Variants in AXIN1 observed in about 807,000 individuals in gnomAD.
AXIN1 encodes the protein axin 1, also known as axin-1.
In AXIN1, 30 loss-of-function variants were observed where a neutral mutation model predicts 76.4. The ratio of observed to expected loss-of-function variants is 0.39; its 90% confidence interval spans 0.29 to 0.53. AXIN1 has a LOEUF of 0.53. Ranked by LOEUF, AXIN1 falls within the 20% of genes least tolerant of loss-of-function variation. The pLI is 0.66. For missense variants in AXIN1, 1,140 were observed against 1,198.8 expected, an observed-to-expected ratio of 0.95 and a Z score of 0.72; for synonymous variants, 545 against 501.4, an observed-to-expected ratio of 1.09 and a Z score of -1.16.
rs142006497 is a variant in AXIN1 at position 323,355 on chromosome 16, C to T, written c.879-8672G>A. Reference sequence around the variant, plus strand: ...TCGGGAGGCTGAGGCAGGAGAATGGCGTGAACCCAGGAGGCAGAGCTTGCA... The same window carrying T: ...TCGGGAGGCTGAGGCAGGAGAATGGTGTGAACCCAGGAGGCAGAGCTTGCA... On this transcript the variant is annotated intron_variant, in intron 2 of 10. Transcript: ENST00000262320. 0.03 allele frequency among the ~76,000 whole-genome samples: 4,271 copies of T among 142,608 alleles called. 496 individuals carry two copies. The East Asian group carries it at 0.39, about 13-fold the overall frequency. 93.6% of individuals were successfully genotyped at this position (142,608 alleles called of 152,430 possible).
intron 1 of AXIN1, among the ~76,000 whole-genome samples, chr16:349,304 T>A (rs1307587354): frequency 6.6e-6 from 1 of 152,000 alleles, no homozygotes; most frequent in African/African-American, 2.4e-5. Context: ...AGCTGTGACA[T>A]CCTGCTGCTC....
chr16:295,971 A>G (rs1182212726), intron 7 of AXIN1, among the ~76,000 whole-genome samples: 3 of 152,212 alleles, frequency 2.0e-5, no homozygotes, highest in African/African-American at 7.2e-5. Flanking sequence ...CGTCTCAAAA[A>G]AAAAGACTCG....
At chr16:311,165 G>A (rs1214549945) in intron 3 of AXIN1, among the ~76,000 whole-genome samples, 2 of 151,628 alleles carry the variant, frequency 1.3e-5, no homozygotes, top group African/African-American at 2.4e-5. Flanking sequence ...GAGTAGCTGG[G>A]ACTACAGGTG....
At chr16:310,753 T>C (rs958870809) in intron 3 of AXIN1, among the ~76,000 whole-genome samples, 2 of 152,218 alleles carry the variant, frequency 1.3e-5, no homozygotes, top group African/African-American at 4.8e-5. Context: ...AGGGACTGCA[T>C]GCGGCTGCAA....
intron 9 of AXIN1, 199 bp from the exon 10 acceptor site, chr16:289,806 G>T: frequency 1.5e-6 from 1 of 682,880 alleles, no homozygotes; most frequent in Non-Finnish European, 2.5e-6. Context: ...AGTCGGCTCC[G>T]CTCACTGGGA....
intron 2 of AXIN1, among the ~76,000 whole-genome samples, chr16:320,082 G>A (rs2053404632): frequency 6.6e-6 from 1 of 152,116 alleles, no homozygotes; most frequent in Non-Finnish European, 1.5e-5. Context: ...GAGAACCTCA[G>A]AACCGACAGC....
At chr16:344,617 G>A in intron 2 of AXIN1, among the ~76,000 whole-genome samples, 1 of 151,658 alleles carries the variant, frequency 6.6e-6, no homozygotes, top group Middle Eastern at 3.4e-3. Context: ...GCCTCCCGAG[G>A]AGCTGGGATT....
At chr16:342,071 C>T (rs575580529) in intron 2 of AXIN1, among the ~76,000 whole-genome samples, 3 of 152,358 alleles carry the variant, frequency 2.0e-5, no homozygotes, top group South Asian at 4.1e-4. Context: ...CGGGAGCCAG[C>T]AGTGGTAACT....
At chr16:326,785 A>C (rs997585999) in intron 2 of AXIN1, among the ~76,000 whole-genome samples, 4 of 151,620 alleles carry the variant, frequency 2.6e-5, no homozygotes, top group Admixed American at 2.0e-4. Flanking sequence ...AGCTATGAAA[A>C]TCTCTATTTT....
chr16:314,297 A>G (rs2053249369), intron 3 of AXIN1, among the ~76,000 whole-genome samples: 1 of 152,206 alleles, frequency 6.6e-6, no homozygotes, highest in South Asian at 2.1e-4. Context: ...ACGCACTCTC[A>G]CTGAGACCTG....
intron 8 of AXIN1, chr16:291,985 G>A (rs79986141): frequency 0.023 from 3,573 of 156,458 alleles, 138 homozygotes; most frequent in African/African-American, 0.073. Flanking sequence ...GCAGCCAAAC[G>A]GGCGGGAGGG....
intron 2 of AXIN1, among the ~76,000 whole-genome samples, chr16:329,707 T>C (rs1020003200): frequency 8.6e-5 from 13 of 151,960 alleles, no homozygotes; most frequent in East Asian, 3.9e-4. Flanking sequence ...CACTGCAAGC[T>C]CCGCCTCCCA....
rs1157930021 is a variant in AXIN1, at chr16:352,498, C to T, written c.-211G>A. On this transcript the variant is annotated 5_prime_UTR_variant, in exon 1 of 11. Transcript: ENST00000262320. ...GCGCGGCCCGGGGCGGCCCCCATCT[C>T]GGCGGCTGCGGCTCGGCGGCCCGGA... 7.4e-4 allele frequency: 637 copies of T among 862,016 alleles called. No homozygotes were observed. The highest frequency in any genetic ancestry group is 8.6e-4 in the Non-Finnish European group (618 of 720,642). The allele number at this position is 862,016 out of a possible 1,614,324, so 53.4% of individuals were successfully genotyped here.
intron 2 of AXIN1, among the ~76,000 whole-genome samples, chr16:329,809 T>A (rs939368418): frequency 9.3e-5 from 14 of 150,986 alleles, no homozygotes; most frequent in Admixed American, 5.3e-4. Context: ...TTTTTTTGTA[T>A]TTTTTAGTAG....
chr16:318,596 C>T (rs2053358551), intron 2 of AXIN1, among the ~76,000 whole-genome samples: 1 of 152,204 alleles, frequency 6.6e-6, no homozygotes, highest in Admixed American at 6.5e-5. Context: ...GGGGAGGTCA[C>T]ATGGGAGTTC....
At chr16:341,085 G>T (rs965753068) in intron 2 of AXIN1, among the ~76,000 whole-genome samples, 2 of 152,274 alleles carry the variant, frequency 1.3e-5, no homozygotes, top group Non-Finnish European at 2.9e-5. Flanking sequence ...CCACCCCGGT[G>T]AGAGGTGACA....
intron 4 of AXIN1, among the ~76,000 whole-genome samples, chr16:306,309 C>T (rs917811084): frequency 1.3e-5 from 2 of 152,180 alleles, no homozygotes; most frequent in African/African-American, 4.8e-5. Flanking sequence ...AATAACATCA[C>T]GTGGCAGATC....
At chr16:299,607 G>A (rs578115768) in intron 5 of AXIN1, among the ~76,000 whole-genome samples, 6 of 151,842 alleles carry the variant, frequency 4.0e-5, no homozygotes, top group East Asian at 1.9e-4. Flanking sequence ...CACCACCCTC[G>A]GCCTCCCAAA....
chr16:291,050 C>T (rs370546070), intron 9 of AXIN1, 140 bp downstream of exon 9: 21 of 790,024 alleles, frequency 2.7e-5, no homozygotes, highest in Non-Finnish European at 3.7e-5. Flanking sequence ...TCTGATGCCA[C>T]GGGACCCTCT....
Sources: allele counts gnomAD v4.1 joint callset (sites outside exome capture counted in the v4.1 genomes callset), GRCh38; gene constraint gnomAD v4.1.1; transcripts MANE v1.5; gene names NCBI Gene and HGNC (gene_info 2026-07-23, HGNC 2026-07-21).